Variants in ASIC2 observed in about 807,000 individuals in gnomAD.
ASIC2 encodes the protein acid-sensing ion channel 2.
A neutral mutation model predicts 57.3 loss-of-function variants in ASIC2; 25 were observed. The ratio of observed to expected loss-of-function variants is 0.44; its 90% CI spans 0.32 to 0.61. ASIC2 has a LOEUF of 0.61. Among genes scored for constraint, ASIC2 ranks in the 20% least tolerant of loss-of-function variants. The pLI is 0.06. For missense variants in ASIC2, 641 were observed against 738.1 expected, an observed-to-expected ratio of 0.87 and a Z score of 1.52; for synonymous variants, 319 against 307.5, an observed-to-expected ratio of 1.04 and a Z score of -0.39.
At chr17:33,841,176 A>C (rs551547834) in intron 1 of ASIC2, among the ~76,000 whole-genome samples, 3 of 152,328 alleles carry the variant, frequency 2.0e-5, no homozygotes. Context: ...TGCTAACTAC[A>C]CTTGTGGGCA....
chr17:33,770,965 C>T (rs1377082909), intron 1 of ASIC2, among the ~76,000 whole-genome samples: 1 of 152,128 alleles, frequency 6.6e-6, no homozygotes, highest in South Asian at 2.1e-4. Flanking sequence ...AATGGGCTAT[C>T]AGCAAGAAAG....
Position 33,080,589 on chromosome 17 carries a change from T to A in ASIC2, c.987+8274A>T, listed in dbSNP as rs1416517683. Among the ~76,000 whole-genome samples the A allele has an allele frequency of 2.0e-5, 3 of 152,136 alleles. No individual in the cohort carries two copies. In the East Asian group the frequency reaches 5.8e-4, roughly 29 times the overall value. Reference sequence around the variant, plus strand: ...ATACATACCTCTGATAAAGTTTAATTTATAAATTAGGCACAGTAAGAGATA... The same window carrying A: ...ATACATACCTCTGATAAAGTTTAATATATAAATTAGGCACAGTAAGAGATA... On this transcript the variant is annotated intron_variant, in intron 3 of 9. Transcript: ENST00000225823.
chr17:33,734,324 C>T (rs928587801), intron 1 of ASIC2, among the ~76,000 whole-genome samples: 6 of 152,136 alleles, frequency 3.9e-5, no homozygotes, highest in African/African-American at 1.4e-4. Context: ...GAGGCCAGCC[C>T]TTCCCCCCGG....
At chr17:34,051,725 C>T (rs1908561775) in intron 1 of ASIC2, 1 of 152,034 alleles carries the variant, frequency 6.6e-6, no homozygotes, top group Admixed American at 6.6e-5. Flanking sequence ...AGGCTTCTGT[C>T]TTCCTTCCAA....
intron 1 of ASIC2, chr17:33,932,759 TATAG>T (rs1282878868): frequency 7.6e-6 from 1 of 131,574 alleles, no homozygotes; most frequent in African/African-American, 2.9e-5. Flanking sequence ...TATATATATA[TATAG>T]TATGATAAAT....
At chr17:33,728,003 A>G (rs1176076936) in intron 1 of ASIC2, among the ~76,000 whole-genome samples, 1 of 152,120 alleles carries the variant, frequency 6.6e-6, no homozygotes, top group Non-Finnish European at 1.5e-5. Flanking sequence ...AGTTAGGGAG[A>G]TGGTGGGTAC....
At chr17:33,340,858 C>T (rs1200503730) in intron 1 of ASIC2, among the ~76,000 whole-genome samples, 1 of 152,006 alleles carries the variant, frequency 6.6e-6, no homozygotes, top group Non-Finnish European at 1.5e-5. Flanking sequence ...GCGAGGTGTC[C>T]AGGGTGCATC....
intron 1 of ASIC2, among the ~76,000 whole-genome samples, chr17:33,386,964 G>A (rs538398733): frequency 1.3e-5 from 2 of 152,078 alleles, no homozygotes; most frequent in East Asian, 3.9e-4. Context: ...GTGTGTCTGT[G>A]TGTGTGTGTG....
At chr17:34,055,219 C>G (rs1414115875) in intron 1 of ASIC2, among the ~76,000 whole-genome samples, 3 of 152,120 alleles carry the variant, frequency 2.0e-5, no homozygotes, top group African/African-American at 7.2e-5. Context: ...CGAAGAGACA[C>G]GATTCGATTT....
At chr17:34,042,204 A>C (rs1908161565) in intron 1 of ASIC2, among the ~76,000 whole-genome samples, 1 of 152,196 alleles carries the variant, frequency 6.6e-6, no homozygotes, top group African/African-American at 2.4e-5. Flanking sequence ...ATTATATGAC[A>C]CAGCCCTTTC....
At chr17:33,187,347 C>G (rs141767537) in intron 1 of ASIC2, among the ~76,000 whole-genome samples, 2 of 152,178 alleles carry the variant, frequency 1.3e-5, no homozygotes, top group African/African-American at 4.8e-5. Context: ...AGCAACTTGA[C>G]AACTTATTGC....
chr17:33,215,995 G>A (rs989796081), intron 1 of ASIC2, among the ~76,000 whole-genome samples: 1 of 152,052 alleles, frequency 6.6e-6, no homozygotes, highest in Non-Finnish European at 1.5e-5. Flanking sequence ...CACCAAGCCC[G>A]GCCACATGTG....
At chr17:34,038,414 T>G in intron 1 of ASIC2, 1 of 1,612,144 alleles carries the variant, frequency 6.2e-7, no homozygotes, top group South Asian at 1.1e-5. Context: ...ACATGCATGC[T>G]TGTGGTAATT....
At chr17:33,165,784 G>A (rs1413841190) in intron 1 of ASIC2, among the ~76,000 whole-genome samples, 2 of 152,102 alleles carry the variant, frequency 1.3e-5, no homozygotes, top group Admixed American at 1.3e-4. Context: ...AAGGTAAATG[G>A]TAATGGAGGA....
intron 1 of ASIC2, among the ~76,000 whole-genome samples, chr17:33,593,171 G>C (rs1904875428): frequency 6.6e-6 from 1 of 152,212 alleles, no homozygotes; most frequent in Non-Finnish European, 1.5e-5. Context: ...AAAGGTTTTT[G>C]ATAATATCAA....
At chr17:33,894,706 G>T (rs1431277051) in intron 1 of ASIC2, among the ~76,000 whole-genome samples, 1 of 152,162 alleles carries the variant, frequency 6.6e-6, no homozygotes, top group Admixed American at 6.5e-5. Flanking sequence ...AAGTGAACGT[G>T]TGAGAGAAGT....
chr17:33,808,463 T>C (rs1912329383), intron 1 of ASIC2, among the ~76,000 whole-genome samples: 1 of 152,248 alleles, frequency 6.6e-6, no homozygotes, highest in African/African-American at 2.4e-5. Flanking sequence ...GTAGTGTCAG[T>C]CTTCCAACAT....
intron 1 of ASIC2, among the ~76,000 whole-genome samples, chr17:33,143,348 T>C (rs1232195769): frequency 6.6e-6 from 1 of 152,242 alleles, no homozygotes; most frequent in Non-Finnish European, 1.5e-5. Flanking sequence ...AATCTCATGA[T>C]GAAAAGTAAT....
chr17:34,088,546 G>A (rs556915771), intron 1 of ASIC2, among the ~76,000 whole-genome samples: 2 of 152,344 alleles, frequency 1.3e-5, no homozygotes, highest in Admixed American at 1.3e-4. Context: ...TGTGCTAGGA[G>A]AACCACTGCT....
Sources: gnomAD v4.1 joint callset for allele counts (sites outside exome capture counted in the v4.1 genomes callset) on GRCh38, gnomAD v4.1.1 for gene constraint, MANE v1.5 for transcripts, NCBI Gene and HGNC (gene_info 2026-07-23, HGNC 2026-07-21) for gene names.